Variants in MYO10 observed in about 807,000 individuals in gnomAD.
MYO10 encodes the protein myosin X, also known as unconventional myosin-X.
In MYO10, 133 loss-of-function variants were observed where a neutral mutation model predicts 257.3. That is an observed-to-expected ratio of 0.52 (90% confidence interval 0.45 to 0.60). The LOEUF (loss-of-function observed/expected upper bound fraction) is 0.60. MYO10 is among the 20% of genes least tolerant of loss of function. The probability of loss-of-function intolerance (pLI) is 0.00; values close to 1 mark genes in which losing one functional copy is unlikely to be tolerated. For missense variants in MYO10, 2,399 were observed against 2,635.7 expected (o/e 0.91, Z 1.97); for synonymous variants, 1,104 against 1,028.6 (o/e 1.07, Z -1.40).
intron 1 of MYO10, among the ~76,000 whole-genome samples, chr5:16,934,768 C>T (rs1746387010): frequency 6.6e-6 from 1 of 152,158 alleles, no homozygotes; most frequent in African/African-American, 2.4e-5. Flanking sequence ...AGTGAGCATG[C>T]AGAAAGCAGA....
chr5:16,777,125 GA>G (rs1432630716), intron 9 of MYO10, among the ~76,000 whole-genome samples: 1 of 152,150 alleles, frequency 6.6e-6, no homozygotes, highest in African/African-American at 2.4e-5. Context: ...TATAAAATTG[GA>G]AAAGATAATT....
intron 19 of MYO10, among the ~76,000 whole-genome samples, chr5:16,738,692 A>G (rs1041600964): frequency 6.6e-6 from 1 of 151,962 alleles, no homozygotes; most frequent in African/African-American, 2.4e-5. Flanking sequence ...GGAGTTTGAA[A>G]CCAGCCTGGC....
intron 3 of MYO10, among the ~76,000 whole-genome samples, chr5:16,805,001 C>T (rs954284055): frequency 6.6e-6 from 1 of 152,198 alleles, no homozygotes; most frequent in African/African-American, 2.4e-5. Flanking sequence ...CTTACCACCC[C>T]ACTCTTCAAT....
intron 19 of MYO10, among the ~76,000 whole-genome samples, chr5:16,723,548 T>C (rs2126603279): frequency 6.6e-6 from 1 of 152,270 alleles, no homozygotes; most frequent in Admixed American, 6.5e-5. Flanking sequence ...TGCAGTCAAT[T>C]TGGAAGACAG....
chr5:16,684,912 C>A (rs31301), intron 29 of MYO10, among the ~76,000 whole-genome samples: 1 of 152,032 alleles, frequency 6.6e-6, no homozygotes, highest in African/African-American at 2.4e-5. Context: ...CCGGGTGTGG[C>A]GGCAAGCGCC....
intron 3 of MYO10, among the ~76,000 whole-genome samples, chr5:16,796,954 ATGCATACACCCAGG>A (rs1741990345): frequency 1.3e-5 from 2 of 150,892 alleles, no homozygotes; most frequent in Admixed American, 1.3e-4. Flanking sequence ...GACACCAGGG[ATGCATACACCCAGG>A]GGGGTTGGCG....
chr5:16,818,227 A>C (rs1016806807), intron 2 of MYO10, 60 bp from the exon 3 acceptor site: 1 of 1,347,050 alleles, frequency 7.4e-7, no homozygotes, highest in African/African-American at 1.5e-5. Flanking sequence ...TTTTCACACA[A>C]GTTTCCCAAA....
At chr5:16,930,423 A>G (rs1379195481) in intron 1 of MYO10, among the ~76,000 whole-genome samples, 8 of 152,222 alleles carry the variant, frequency 5.3e-5, no homozygotes, top group Non-Finnish European at 1.5e-5. Flanking sequence ...TAATTTTATA[A>G]GCAATAAGAA....
intron 19 of MYO10, among the ~76,000 whole-genome samples, chr5:16,721,223 C>T (rs1242797697): frequency 1.3e-5 from 2 of 152,190 alleles, no homozygotes; most frequent in Non-Finnish European, 2.9e-5. Flanking sequence ...CCTCCTCTTG[C>T]TGATTCACAA....
intron 3 of MYO10, among the ~76,000 whole-genome samples, chr5:16,797,089 C>T (rs1741994092): frequency 6.6e-6 from 1 of 152,200 alleles, no homozygotes; most frequent in Non-Finnish European, 1.5e-5. Flanking sequence ...CAGCCAGGAA[C>T]ATCAAGCAAA....
At chr5:16,814,437 T>C (rs1002877176) in intron 3 of MYO10, 7 of 152,242 alleles carry the variant, frequency 4.6e-5, no homozygotes, top group Admixed American at 1.3e-4. Flanking sequence ...CGTGAGCCAC[T>C]GTGCCTGGCC....
intron 19 of MYO10, among the ~76,000 whole-genome samples, chr5:16,752,270 C>T (rs1403532222): frequency 2.0e-5 from 3 of 152,044 alleles, no homozygotes; most frequent in Admixed American, 1.3e-4. Context: ...TCCCAGCAAC[C>T]GAGACTTTAT....
In MYO10 at chr5:16,678,848, C is replaced by T. The variant is rs72750524; in HGVS notation, c.4542+1099G>A. ...CTCTGTCACAGCCCCAGCTCTGTCC[C>T]TTGCCCTGGGAATCTGCCTGCAGGA... On this transcript the variant is annotated intron_variant, in intron 33 of 40. Transcript: ENST00000513610. 4.7e-3 allele frequency among the ~76,000 whole-genome samples: 713 copies of T among 152,314 alleles called. 3 individuals carry two copies. The highest frequency in any genetic ancestry group is 8.3e-3 in the Non-Finnish European group (565 of 68,034).
chr5:16,826,409 T>A (rs1353161192), intron 2 of MYO10, among the ~76,000 whole-genome samples: 1 of 152,156 alleles, frequency 6.6e-6, no homozygotes, highest in African/African-American at 2.4e-5. Flanking sequence ...TCACAGTGAC[T>A]GGCATACAAC....
At chr5:16,914,840 G>A (rs111234765) in intron 1 of MYO10, among the ~76,000 whole-genome samples, 26 of 152,224 alleles carry the variant, frequency 1.7e-4, no homozygotes, top group African/African-American at 5.8e-4. Context: ...CAAGCTCTGG[G>A]GGAGCCAAGA....
At chr5:16,779,931 T>C (rs1329017570) in intron 8 of MYO10, among the ~76,000 whole-genome samples, 2 of 152,234 alleles carry the variant, frequency 1.3e-5, no homozygotes, top group African/African-American at 4.8e-5. Flanking sequence ...AAACAGAGTC[T>C]AGCTCTGTCA....
chr5:16,668,550 AG>A, intron 39 of MYO10, 82 bp from the exon 40 acceptor site: 1 of 1,153,132 alleles, frequency 8.7e-7, no homozygotes, highest in East Asian at 2.5e-5. Flanking sequence ...ACAGGCTTTG[AG>A]TGAAGTCCTC....
chr5:16,915,936 G>A (rs141673286), intron 1 of MYO10: 20,073 of 422,392 alleles, frequency 0.048, 552 homozygotes, highest in Non-Finnish European at 0.064. Context: ...CAGCCTGGGC[G>A]ACAGAGCGAG....
At chr5:16,815,663 G>A (rs73756297) in intron 3 of MYO10, among the ~76,000 whole-genome samples, 1 of 152,132 alleles carries the variant, frequency 6.6e-6, no homozygotes, top group African/African-American at 2.4e-5. Context: ...TAAACAAATA[G>A]TTACACGACA....
Sources: gnomAD v4.1 joint callset for allele counts (sites outside exome capture counted in the v4.1 genomes callset) on GRCh38, gnomAD v4.1.1 for gene constraint, MANE v1.5 for transcripts, NCBI Gene and HGNC (gene_info 2026-07-23, HGNC 2026-07-21) for gene names.